AKAP8: variants seen among roughly 807,000 people sequenced by gnomAD.
AKAP8 encodes the protein A-kinase anchoring protein 8.
In AKAP8, 24 loss-of-function variants were observed where a neutral mutation model predicts 67.5. The ratio of observed to expected loss-of-function variants is 0.36; its 90% CI spans 0.26 to 0.50. The LOEUF (loss-of-function observed/expected upper bound fraction) is 0.50, where lower values mean the gene tolerates loss of function less well. Ranked by LOEUF, AKAP8 falls within the 20% of genes least tolerant of loss-of-function variation. AKAP8 has a pLI of 0.97. For synonymous variants in AKAP8, 400 were observed against 371.1 expected (o/e 1.08, Z -0.90); for missense variants, 971 against 955.9 (o/e 1.02, Z -0.21).
At chr19:15,359,474 C>T (rs1456140480) in intron 12 of AKAP8, among the ~76,000 whole-genome samples, 6 of 152,136 alleles carry the variant, frequency 3.9e-5, no homozygotes, top group African/African-American at 1.2e-4. Flanking sequence ...AATCCTAGCA[C>T]GTTGGGAGGC....
At chr19:15,368,455 C>T (rs1967104212) in intron 8 of AKAP8, 133 bp from the exon 9 acceptor site, 4 of 1,552,616 alleles carry the variant, frequency 2.6e-6, no homozygotes, top group Non-Finnish European at 3.5e-6. Flanking sequence ...GCGGCAGGGT[C>T]CAGGATGCCC....
In AKAP8 at chr19:15,373,213, C is replaced by G. The variant is rs142229471; in HGVS notation, c.499G>C (p.Gly167Arg). The stretch of plus-strand genomic sequence containing the variant: ...TCTCGGCATTCACTGTACTGCCCCC[C>G]AAAGCTGCCATTGCGGTCGGACCCC... ...DLGSDRNGSF[G>R]GQYSECRDPA... The change falls in exon 5 of 14, where the codon GGG (glycine) becomes CGG (arginine). Residue 167 changes from glycine (G) to arginine (R), a missense_variant. Coordinates refer to ENST00000269701, the MANE Select transcript of AKAP8 (RefSeq NM_005858.4). 6.2e-6 allele frequency: 10 copies of G among 1,613,904 alleles called. No individual in the cohort carries two copies. The highest frequency in any genetic ancestry group is 8.5e-6 in the Non-Finnish European group (10 of 1,180,018).
At chr19:15,366,154 G>GC (rs1967066113) in intron 9 of AKAP8, among the ~76,000 whole-genome samples, 1 of 95,028 alleles carries the variant, frequency 1.1e-5, no homozygotes, top group South Asian at 3.7e-4. Context: ...AAAGCAAAAA[G>GC]AAAAAAAAAA....
At position 15,373,144 on chromosome 19, in the gene AKAP8, G is replaced by C. The variant is rs199550070; in HGVS notation, c.568C>G (p.Arg190Gly). The change falls in exon 5 of 14, where the codon CGG becomes GGG. Residue 190 changes from arginine to glycine, a missense_variant. Physicochemically the swap from Arg to Gly is moderately radical, Grantham distance 125. Around this residue, in one of 3 missense-constraint regions of AKAP8, gnomAD observed 763 missense variants for 745.4 expected, o/e 1.02. Transcript: ENST00000269701. The part of the protein sequence containing the change: ...RGSLDGFMRG[R>G]GQGRFQDRSN... ...CGGTCCTGGAAGCGGCCCTGGCCCCGGCCCCGCATGAAGCCATCAAGGGAG... is the reference window on the plus strand; with the variant it reads ...CGGTCCTGGAAGCGGCCCTGGCCCCCGCCCCGCATGAAGCCATCAAGGGAG... 1 of 1,613,066 alleles carries C rather than the reference G, an allele frequency of 6.2e-7. No homozygotes were observed. Among genetic ancestry groups the C allele is most frequent in the Non-Finnish European group, 8.5e-7 (1 of 1,179,936 alleles).
chr19:15,379,671 G>T, intron 1 of AKAP8, 42 bp downstream of exon 1: 5 of 1,598,132 alleles, frequency 3.1e-6, no homozygotes, highest in Non-Finnish European at 2.6e-6. Context: ...CGCCCGCACA[G>T]AGCCTTCCCT....
At position 15,379,717 on chromosome 19, in the gene AKAP8, G is replaced by A. The variant is rs748639941; in HGVS notation, c.15C>T (p.Tyr5=). 1.9e-6 allele frequency: 3 copies of A among 1,611,308 alleles called. No individual in the cohort carries two copies. The highest frequency in any genetic ancestry group is 2.5e-6 in the Non-Finnish European group (3 of 1,179,018). The stretch of plus-strand genomic sequence containing the variant: ...CACCCAGCAGCCAACACAAACCTCC[G>A]TAGCCCTGGTCCATGTCTTCGACGC... MDQG[Y]GGYGAWSAGP... Residue 5 remains tyrosine, a synonymous_variant, in exon 1 of 14, where the codon TAC becomes TAT. Transcript: ENST00000269701.
intron 1 of AKAP8, chr19:15,379,383 TGG>T (rs984169235): frequency 3.3e-5 from 11 of 336,288 alleles, no homozygotes; most frequent in Non-Finnish European, 5.9e-5. Context: ...CCGGGGTCGC[TGG>T]GGGCCGGAAG....
chr19:15,357,477 G>A (rs1245393817), intron 13 of AKAP8, among the ~76,000 whole-genome samples: 1 of 145,014 alleles, frequency 6.9e-6, no homozygotes, highest in Non-Finnish European at 1.5e-5. Context: ...GTGTGGTGGT[G>A]TACTATTGCA....
Position 15,361,788 on chromosome 19 carries a change from T to G in AKAP8, c.1337A>C (p.Lys446Thr). The G allele has an allele frequency of 6.2e-7, 1 of 1,614,150 alleles. No individual in the cohort carries two copies. The highest frequency in any genetic ancestry group is 8.5e-7 in the Non-Finnish European group (1 of 1,179,962). ...TTTCTCCATCAATTCCTGACGCCGC[T>G]TCTCAATTTTCTTATTTCTGTTTAC... ...YIVNRNKKIE[K>T]RRQELMEKET... The change falls in exon 11 of 14, where the codon AAG becomes ACG. Residue 446 changes from lysine (K) to threonine (T), a missense_variant. Transcript: ENST00000269701.
chr19:15,374,860 G>A (rs966480449), intron 2 of AKAP8, among the ~76,000 whole-genome samples: 7 of 152,214 alleles, frequency 4.6e-5, no homozygotes, highest in African/African-American at 1.2e-4. Flanking sequence ...CCAACCGTCC[G>A]TCAGGGCAAG....
chr19:15,358,725 T>C (rs1966917264), intron 13 of AKAP8, among the ~76,000 whole-genome samples: 1 of 152,148 alleles, frequency 6.6e-6, no homozygotes, highest in Non-Finnish European at 1.5e-5. Context: ...GGATTTTTCA[T>C]GGTAAAAATC....
At position 15,354,543 on chromosome 19, in the gene AKAP8, C is replaced by T; in HGVS notation, c.*372G>A. 1 of 224,386 alleles carries T rather than the reference C, an allele frequency of 4.5e-6. No individual in the cohort carries two copies. The highest frequency in any genetic ancestry group is 8.8e-6 in the Non-Finnish European group (1 of 113,120). The allele number at this position is 224,386 out of a possible 1,614,324, so 13.9% of individuals were successfully genotyped here. A position where few individuals can be genotyped will look rare whatever the true frequency, so the allele number is the denominator to read the frequency against. Reference sequence around the variant, plus strand: ...TATATTCCTAGTATTCAGCTGTTCCCAACCAAATAAAAAAAAAAATTAAGG... The same window carrying T: ...TATATTCCTAGTATTCAGCTGTTCCTAACCAAATAAAAAAAAAAATTAAGG... On this transcript the variant is annotated 3_prime_UTR_variant, in exon 14 of 14. Transcript: ENST00000269701.
rs777766196 is a variant in AKAP8, at chr19:15,362,261, G to A, written c.1161-10C>T. On this transcript the variant is annotated splice_polypyrimidine_tract_variant and intron_variant, in intron 9 of 13. Coordinates refer to ENST00000269701, the MANE Select transcript of AKAP8 (RefSeq NM_005858.4). ...ACAGGCAAACTGAATTCTGTAGAAGGAAAACAAGGAGGGGAGTGAAGCAGG... is the reference window on the plus strand; with the variant it reads ...ACAGGCAAACTGAATTCTGTAGAAGAAAAACAAGGAGGGGAGTGAAGCAGG... The A allele has an allele frequency of 6.9e-5, 111 of 1,613,802 alleles. No individual in the cohort carries two copies. Among genetic ancestry groups the A allele is most frequent in the Non-Finnish European group, 9.2e-5 (109 of 1,179,942 alleles).
In AKAP8 at chr19:15,374,006, A is replaced by G; in HGVS notation, c.151T>C (p.Tyr51His). ...QNTSVTTGATYSYGPASWEAA... is the reference protein window; with the variant it reads ...QNTSVTTGATHSYGPASWEAA... ...TCCCACGAGGCTGGGCCGTAGCTGT[A>G]GGTTGCGCCTGTGGTGACACTGGTG... is the stretch of plus-strand genomic sequence containing the variant. Residue 51 changes from tyrosine to histidine, a missense_variant, in exon 4 of 14, where the codon TAC becomes CAC. By Grantham distance (83) the Tyr-to-His change is moderately conservative (BLOSUM62 2). Transcript: ENST00000269701. 6.2e-7 allele frequency: 1 copy of G among 1,607,296 alleles called. No individual in the cohort carries two copies. The highest frequency in any genetic ancestry group is 8.5e-7 in the Non-Finnish European group (1 of 1,177,512).
At chr19:15,360,143 C>CA (rs1043188616) in intron 12 of AKAP8, among the ~76,000 whole-genome samples, 10 of 151,138 alleles carry the variant, frequency 6.6e-5, no homozygotes, top group African/African-American at 9.7e-5. Flanking sequence ...AAAAAAAAAA[C>CA]AAAAAAACAA....
rs1967264725 is a variant in AKAP8, at chr19:15,377,014, C to G, written c.20G>C (p.Gly7Ala). 1 of 1,613,052 alleles carries G rather than the reference C, an allele frequency of 6.2e-7. No homozygotes were observed. Among genetic ancestry groups the G allele is most frequent in the South Asian group, 1.1e-5 (1 of 90,854 alleles). The change falls in exon 2 of 14, where the codon GGC (glycine) becomes GCC (alanine). Residue 7 changes from glycine (G) to alanine (A), a missense_variant and splice_region_variant. Gly to Ala is a moderately conservative substitution (Grantham distance 60). Coordinates refer to ENST00000269701, the MANE Select transcript of AKAP8 (RefSeq NM_005858.4). Reference protein sequence around the residue: MDQGYGGYGAWSAGPAN... With the variant: MDQGYGAYGAWSAGPAN... ...AGGTCCAGCACTCCACGCCCCGTAG[C>G]CTGCAAGAAGACCCCGTGAGTTAAA... is the stretch of plus-strand genomic sequence containing the variant.
chr19:15,369,030 A>G lies in AKAP8; in HGVS notation c.1073-708T>C, dbSNP rs796594469. On this transcript the variant is annotated intron_variant, in intron 8 of 13. Coordinates refer to ENST00000269701, the MANE Select transcript of AKAP8 (RefSeq NM_005858.4). This position sits in a 1 kb window ranked among gnomAD's most constrained non-coding sequence, Gnocchi z 4.6. ...GCATGAGGCCAGGGACGGACGCTGA[A>G]AAAAGGTTGGAGAAGCATCTGAACT... 21 of 985,682 alleles carry G rather than the reference A, an allele frequency of 2.1e-5. No homozygotes were observed. In the African/African-American group the frequency reaches 3.1e-4, roughly 15 times the overall value. The allele number at this position is 985,682 out of a possible 1,614,324, so 61.1% of individuals were successfully genotyped here.
intron 7 of AKAP8, among the ~76,000 whole-genome samples, chr19:15,370,783 C>A (rs1049132432): frequency 6.6e-6 from 1 of 152,022 alleles, no homozygotes; most frequent in African/African-American, 2.4e-5. Context: ...AGGCGCATGC[C>A]GCCACATCCA....
Position 15,353,884 on chromosome 19 carries a change from C to G in AKAP8, c.*1031G>C, listed in dbSNP as rs1028964537. On this transcript the variant is annotated 3_prime_UTR_variant, in exon 14 of 14. Coordinates refer to ENST00000269701, the MANE Select transcript of AKAP8 (RefSeq NM_005858.4). ...CTCCCTTTCTCAGATTTGGAAAGAT[C>G]TAAAGTAATAGTTATTTCTCTAAAA... 1 of 151,338 alleles carries G rather than the reference C, an allele frequency of 6.6e-6. No individual in the cohort carries two copies. Among genetic ancestry groups the G allele is most frequent in the Non-Finnish European group, 1.5e-5 (1 of 67,940 alleles). 9.4% of individuals were successfully genotyped at this position (151,338 alleles called of 1,614,324 possible).
Sources: allele counts gnomAD v4.1 joint callset (sites outside exome capture counted in the v4.1 genomes callset), GRCh38; gene constraint gnomAD v4.1.1; regional missense constraint gnomAD v4.1.1; non-coding constraint Gnocchi (gnomAD v3.1); transcripts MANE v1.5; gene names NCBI Gene and HGNC (gene_info 2026-07-23, HGNC 2026-07-21).